CCDC57: variants seen among roughly 807,000 people sequenced by gnomAD.
The protein encoded by CCDC57 is coiled-coil domain containing 57, also known as coiled-coil domain-containing protein 57.
In CCDC57, 118 loss-of-function variants were observed where a neutral mutation model predicts 118.9. The observed-to-expected ratio is 0.99, with a 90% CI of 0.86 to 1.16. The LOEUF (loss-of-function observed/expected upper bound fraction) is 1.16, where lower values mean the gene tolerates loss of function less well. CCDC57 is among the 50% of genes most tolerant of loss of function. CCDC57 has a pLI of 0.00. For missense variants in CCDC57, 1,300 were observed against 1,320.7 expected (o/e 0.98, Z 0.24); for synonymous variants, 527 against 532.9 (o/e 0.99, Z 0.15).
intron 19 of CCDC57, among the ~76,000 whole-genome samples, chr17:82,108,259 G>A (rs1003760063): frequency 6.6e-6 from 1 of 152,184 alleles, no homozygotes; most frequent in Admixed American, 6.5e-5. Flanking sequence ...TGGCTTGCCC[G>A]GGTCCTGGAG....
intron 9 of CCDC57, among the ~76,000 whole-genome samples, chr17:82,179,501 C>T (rs930208829): frequency 1.4e-4 from 21 of 152,104 alleles, no homozygotes; most frequent in Admixed American, 1.0e-3. Context: ...ATCATAAACG[C>T]GGTTATGCAC....
rs562867009 is a variant in CCDC57 at position 82,148,681 on chromosome 17, T to C, written c.2455+2879A>G. Among the ~76,000 whole-genome samples the C allele has an allele frequency of 1.6e-3, 133 of 83,684 alleles. 3 individuals are homozygous for C. Among genetic ancestry groups the C allele is most frequent in the African/African-American group, 5.9e-3 (128 of 21,518 alleles). The allele number at this position is 83,684 out of a possible 152,430, so 54.9% of individuals were successfully genotyped here. ...ATGAATGAGTGGGTGGATGGGTAGA[T>C]GGATGGATGGTTGGGTGGGTGGGCA... On this transcript the variant is annotated intron_variant, in intron 16 of 19. Transcript: ENST00000665763.
At chr17:82,157,832 ATGCTTCCCCAGCTCAGCCACC>A (rs760499476) in exon 15 of CCDC57, 2 of 1,602,918 alleles carry the variant, frequency 1.2e-6, no homozygotes, top group Non-Finnish European at 1.7e-6. Context: ...CTATCCTGAG[ATGCTTCCCCAGCTCAGCCACC>A]TGCTTCCGCA....
intron 13 of CCDC57, among the ~76,000 whole-genome samples, chr17:82,165,529 C>A (rs993645801): frequency 6.6e-6 from 1 of 151,998 alleles, no homozygotes; most frequent in East Asian, 1.9e-4. Flanking sequence ...CTGGGACCAA[C>A]GGAGCAAGAA....
At chr17:82,162,249 G>A (rs558350748) in intron 14 of CCDC57, among the ~76,000 whole-genome samples, 13 of 152,150 alleles carry the variant, frequency 8.5e-5, no homozygotes, top group Admixed American at 3.3e-4. Context: ...GGGGTGATCC[G>A]CCCACCTCGG....
intron 16 of CCDC57, 97 bp downstream of exon 15, chr17:82,151,463 T>A (rs1377877288): frequency 1.0e-6 from 1 of 986,892 alleles, no homozygotes. Context: ...ACCCCCAGAA[T>A]CTGACCCACA....
chr17:82,168,540 G>A (rs6502081), intron 13 of CCDC57, among the ~76,000 whole-genome samples: 70,833 of 151,970 alleles, frequency 0.47, 17,299 homozygotes, highest in East Asian at 0.88. Flanking sequence ...AGAGGTTGCA[G>A]TGAGCCGAGA....
At chr17:82,134,194 C>T (rs2038835790) in exon 17 of CCDC57, 1 of 1,316,240 alleles carries the variant, frequency 7.6e-7, no homozygotes, top group East Asian at 3.1e-5. Flanking sequence ...CAACAGCCAC[C>T]CTGGGAATGG....
chr17:82,130,670 T>C (rs759768195), intron 17 of CCDC57, among the ~76,000 whole-genome samples: 2 of 147,154 alleles, frequency 1.4e-5, no homozygotes, highest in Non-Finnish European at 3.0e-5. Flanking sequence ...AACTGGCTAA[T>C]TTTTGTATTT....
intron 4 of CCDC57, among the ~76,000 whole-genome samples, chr17:82,195,839 A>G (rs1205939290): frequency 6.6e-6 from 1 of 152,082 alleles, no homozygotes; most frequent in East Asian, 1.9e-4. Flanking sequence ...CCCAGAGCCC[A>G]CACAGGATCG....
exon 8 of CCDC57, chr17:82,188,412 C>T (rs1568420881): frequency 6.2e-7 from 1 of 1,610,602 alleles, no homozygotes; most frequent in South Asian, 1.1e-5. Context: ...CGGTCGAGCT[C>T]CTCATGCCTG....
At chr17:82,150,479 A>G (rs1292303214) in intron 16 of CCDC57, among the ~76,000 whole-genome samples, 28 of 86,144 alleles carry the variant, frequency 3.3e-4, no homozygotes, top group African/African-American at 4.5e-4. Context: ...AGAACCTGGC[A>G]CACACCCAGA....
intron 14 of CCDC57, 100 bp downstream of exon 13, chr17:82,163,100 A>C: frequency 6.9e-7 from 1 of 1,439,854 alleles, no homozygotes; most frequent in South Asian, 1.3e-5. Context: ...TGGATGCCCG[A>C]GGTCACCTGG....
At chr17:82,179,699 C>G (rs921680801) in intron 9 of CCDC57, among the ~76,000 whole-genome samples, 1 of 152,066 alleles carries the variant, frequency 6.6e-6, no homozygotes, top group Non-Finnish European at 1.5e-5. Flanking sequence ...AACCCGGGGG[C>G]TTCCTCCAGA....
chr17:82,176,229 C>T (rs2045466387), intron 11 of CCDC57, among the ~76,000 whole-genome samples: 1 of 151,276 alleles, frequency 6.6e-6, no homozygotes, highest in African/African-American at 2.4e-5. Flanking sequence ...GGCATAAAAC[C>T]CCTGGTGGCT....
At chr17:82,135,104 G>A (rs953122262) in intron 16 of CCDC57, 2 of 117,150 alleles carry the variant, frequency 1.7e-5, no homozygotes, top group Non-Finnish European at 3.5e-5. Flanking sequence ...AATTGAAACA[G>A]ACATTTTTTT....
intron 16 of CCDC57, among the ~76,000 whole-genome samples, chr17:82,138,529 A>C (rs1415420705): frequency 6.6e-6 from 1 of 152,020 alleles, no homozygotes; most frequent in Non-Finnish European, 1.5e-5. Context: ...CCTGCATGAC[A>C]GAGGTCTCTA....
intron 17 of CCDC57, among the ~76,000 whole-genome samples, chr17:82,129,180 A>G (rs1372731465): frequency 6.6e-6 from 1 of 152,058 alleles, no homozygotes; most frequent in Admixed American, 6.6e-5. Flanking sequence ...TGGCCTCCCA[A>G]AGTGCTGGGA....
chr17:82,202,048 C>A lies in CCDC57; in HGVS notation c.-8-96G>T, dbSNP rs574634566. Reference sequence around the variant, plus strand: ...TCACATTCCCTATCAACAGTTACCACGGCCGGGCACGGTGGCTCACACCTG... The same window carrying A: ...TCACATTCCCTATCAACAGTTACCAAGGCCGGGCACGGTGGCTCACACCTG... On this transcript the variant is annotated intron_variant, in intron 2 of 19. Coordinates refer to ENST00000665763, the Ensembl canonical transcript of CCDC57. 1.2e-5 allele frequency: 15 copies of A among 1,235,596 alleles called. No individual in the cohort carries two copies. In the African/African-American group the frequency reaches 1.8e-4, roughly 15 times the overall value. 76.5% of individuals were successfully genotyped at this position (1,235,596 alleles called of 1,614,324 possible). A position where few individuals can be genotyped will look rare whatever the true frequency, so the allele number is the denominator to read the frequency against.
Sources: allele counts gnomAD v4.1 joint callset (sites outside exome capture counted in the v4.1 genomes callset), GRCh38; gene constraint gnomAD v4.1.1; transcripts MANE v1.5; gene names NCBI Gene and HGNC (gene_info 2026-07-23, HGNC 2026-07-21).